Variants in FANCA observed in about 807,000 individuals in gnomAD.
FANCA encodes Fanconi anemia group A protein.
In FANCA, 236 loss-of-function variants were observed where a neutral mutation model predicts 194.3. The ratio of observed to expected loss-of-function variants is 1.21; its 90% CI spans 1.09 to 1.35. FANCA has a LOEUF of 1.35. Among genes scored for constraint, FANCA ranks in the 40% most tolerant of loss-of-function variants. FANCA has a pLI of 0.00. For missense variants in FANCA, 2,628 were observed against 1,813.9 expected, an observed-to-expected ratio of 1.45 and a Z score of -8.15; for synonymous variants, 1,014 against 715.8, an observed-to-expected ratio of 1.42 and a Z score of -6.65.
In FANCA at chr16:89,748,642, G is replaced by A. The variant is rs192934767; in HGVS notation, c.3348+17C>T. ...GCACTGACAGATCGGACGGACACGT[G>A]CACACGGGGCACCTACCATCTCAGA... On this transcript the variant is annotated intron_variant, in intron 33 of 42. Transcript: ENST00000389301. 17 of 1,595,468 alleles carry A rather than the reference G, an allele frequency of 1.1e-5. No homozygotes were observed. The African/African-American group carries it at 2.1e-4, about 20-fold the overall frequency.
At chr16:89,775,690 G>A in intron 21 of FANCA, 52 bp downstream of exon 21, 2 of 1,472,998 alleles carry the variant, frequency 1.4e-6, no homozygotes, top group South Asian at 1.2e-5. Context: ...CTCAAGGTTA[G>A]GAAAATGGAA....
chr16:89,757,001 T>G (rs1016722840), intron 30 of FANCA, among the ~76,000 whole-genome samples: 1 of 152,194 alleles, frequency 6.6e-6, no homozygotes, highest in Non-Finnish European at 1.5e-5. Context: ...TGTTTTGAGA[T>G]GGAGTCTCAC....
Position 89,742,872 on chromosome 16 carries a change from G to C in FANCA, c.3693C>G (p.His1231Gln). 6.2e-7 allele frequency: 1 copy of C among 1,614,152 alleles called. No homozygotes were observed. Among genetic ancestry groups the C allele is most frequent in the Non-Finnish European group, 8.5e-7 (1 of 1,180,022 alleles). Residue 1231 changes from histidine to glutamine, a missense_variant, in exon 37 of 43, where the codon CAC (histidine) becomes CAG (glutamine). Physicochemically the swap from His to Gln is conservative, Grantham distance 24. Transcript: ENST00000389301. ...CTTCCCTGACTTGTTGAATCGCAAA[G>C]TGCAGTGCAGCAGCTGAGAGCCAGT... ...NPDWLSAAALHFAIQQVREEN... is the reference protein window; with the variant it reads ...NPDWLSAAALQFAIQQVREEN...
intron 37 of FANCA, among the ~76,000 whole-genome samples, chr16:89,742,104 G>A (rs751867260): frequency 1.3e-5 from 2 of 151,966 alleles, no homozygotes; most frequent in African/African-American, 2.4e-5. Context: ...TAGCTTTACA[G>A]GCTATGGGAT....
rs183350210 is a variant in FANCA at position 89,814,615 on chromosome 16, T to A, written c.190-2A>T. On this transcript the variant is annotated splice_acceptor_variant, in intron 2 of 42. Transcript: ENST00000389301. LOFTEE classifies it high-confidence loss of function. ...TTTTTTACACAGTGGACCTTCTACCTAGAATCCAAAACACAACAAACTCCA... is the reference window on the plus strand; with the variant it reads ...TTTTTTACACAGTGGACCTTCTACCAAGAATCCAAAACACAACAAACTCCA... The A allele has an allele frequency of 3.7e-6, 6 of 1,610,222 alleles. No homozygotes were observed. The African/African-American group carries it at 8.0e-5, about 21-fold the overall frequency.
intron 17 of FANCA, among the ~76,000 whole-genome samples, chr16:89,781,842 A>G (rs2039718855): frequency 1.3e-5 from 2 of 148,948 alleles, no homozygotes; most frequent in Non-Finnish European, 3.0e-5. Context: ...TACTAAAAAT[A>G]TACAAAAAAT....
At chr16:89,744,553 C>T (rs1164974744) in intron 36 of FANCA, 2 of 332,074 alleles carry the variant, frequency 6.0e-6, no homozygotes, top group Middle Eastern at 1.1e-3. Flanking sequence ...TAGGAGCCCA[C>T]ATTAGATTTA....
intron 14 of FANCA, among the ~76,000 whole-genome samples, chr16:89,790,559 T>C (rs572595119): frequency 3.3e-5 from 5 of 151,678 alleles, no homozygotes; most frequent in African/African-American, 1.2e-4. Flanking sequence ...TGAAACCCCG[T>C]CTCTACTAAA....
At chr16:89,752,038 G>A in intron 31 of FANCA, 100 bp downstream of exon 31, 1 of 1,035,524 alleles carries the variant, frequency 9.7e-7, no homozygotes, top group East Asian at 2.4e-5. Flanking sequence ...CCAAAGTTCT[G>A]GGATTACAGG....
chr16:89,764,092 A>G, intron 28 of FANCA, among the ~76,000 whole-genome samples: 1 of 130,286 alleles, frequency 7.7e-6, no homozygotes, highest in Admixed American at 7.8e-5. Context: ...AGATACCAAA[A>G]TTAGTCGGGC....
chr16:89,770,489 G>T, intron 24 of FANCA, 75 bp downstream of exon 24: 2 of 1,372,626 alleles, frequency 1.5e-6, no homozygotes, highest in South Asian at 1.2e-5. Flanking sequence ...ATGAGTCCCT[G>T]GTCTGCAGAC....
At chr16:89,802,607 G>C (rs2040494902) in intron 8 of FANCA, among the ~76,000 whole-genome samples, 1 of 151,752 alleles carries the variant, frequency 6.6e-6, no homozygotes, top group Non-Finnish European at 1.5e-5. Context: ...ATTTTACCAT[G>C]TTAGCCAGGA....
At chr16:89,794,449 T>C (rs2040176558) in intron 11 of FANCA, among the ~76,000 whole-genome samples, 1 of 151,450 alleles carries the variant, frequency 6.6e-6, no homozygotes, top group African/African-American at 2.4e-5. Flanking sequence ...TGGCAGGGAA[T>C]AGCTTGAACC....
At chr16:89,751,264 C>T (rs753682570) in intron 31 of FANCA, among the ~76,000 whole-genome samples, 4 of 151,980 alleles carry the variant, frequency 2.6e-5, no homozygotes, top group Admixed American at 2.0e-4. Flanking sequence ...ATTTTGGAGA[C>T]CGAGATGGGT....
At chr16:89,752,874 G>A (rs1369456267) in intron 30 of FANCA, among the ~76,000 whole-genome samples, 6 of 152,124 alleles carry the variant, frequency 3.9e-5, no homozygotes, top group Non-Finnish European at 5.9e-5. Context: ...TTAGCAGACC[G>A]GGAAAGGGAG....
chr16:89,764,734 G>A lies in FANCA; in HGVS notation c.2778+156C>T, dbSNP rs143076002. 4.1e-4 allele frequency: 364 copies of A among 892,174 alleles called. No homozygotes were observed. In the African/African-American group the frequency reaches 5.3e-3, roughly 13 times the overall value. The allele number at this position is 892,174 out of a possible 1,614,324, so 55.3% of individuals were successfully genotyped here. ...GGCACACGCACCCTAGACTCGAGAC[G>A]AGGAGACAGTCGGCACACACACACC... is the stretch of plus-strand genomic sequence containing the variant. On this transcript the variant is annotated intron_variant, in intron 28 of 42. Coordinates refer to ENST00000389301, the MANE Select transcript of FANCA (RefSeq NM_000135.4).
chr16:89,742,910 C>G lies in FANCA; in HGVS notation c.3655G>C (p.Ala1219Pro). Reference protein sequence around the residue: ...DFLSPEAASPAPNPDWLSAAA... With the variant: ...DFLSPEAASPPPNPDWLSAAA... Reference sequence around the variant, plus strand: ...GCTGAGAGCCAGTCCGGGTTGGGTGCTGGGGAGGCAGCCTCAGGGGAGAGG... The same window carrying G: ...GCTGAGAGCCAGTCCGGGTTGGGTGGTGGGGAGGCAGCCTCAGGGGAGAGG... The change falls in exon 37 of 43, where the codon GCA (alanine) becomes CCA (proline). Residue 1219 changes from alanine to proline, a missense_variant. By Grantham distance (27) the Ala-to-Pro change is conservative (BLOSUM62 -1). Transcript: ENST00000389301. The G allele has an allele frequency of 6.2e-7, 1 of 1,614,094 alleles. No homozygotes were observed. Among genetic ancestry groups the G allele is most frequent in the South Asian group, 1.1e-5 (1 of 91,082 alleles).
At chr16:89,770,697 G>C in intron 23 of FANCA, 63 bp from the exon 24 acceptor site, 1 of 1,403,892 alleles carries the variant, frequency 7.1e-7, no homozygotes, top group Non-Finnish European at 9.9e-7. Flanking sequence ...GAAGGAAGCC[G>C]GCCAGCGCTC....
chr16:89,787,231 C>T (rs1755711423), intron 14 of FANCA, among the ~76,000 whole-genome samples: 1 of 152,028 alleles, frequency 6.6e-6, no homozygotes, highest in South Asian at 2.1e-4. Context: ...GAGGTCAAGA[C>T]CAGCCAGGAC....
Sources: gnomAD v4.1 joint callset for allele counts (sites outside exome capture counted in the v4.1 genomes callset) on GRCh38, gnomAD v4.1.1 for gene constraint, MANE v1.5 for transcripts, NCBI Gene and HGNC (gene_info 2026-07-23, HGNC 2026-07-21) for gene names.